Variants in TMEM132B observed in about 807,000 individuals in gnomAD.
The protein encoded by TMEM132B is transmembrane protein 132B.
Under a neutral mutation model 90.8 loss-of-function variants are expected in TMEM132B, and 18 were observed. The ratio of observed to expected loss-of-function variants is 0.20; its 90% CI spans 0.14 to 0.29. The LOEUF (loss-of-function observed/expected upper bound fraction) is 0.29. TMEM132B is among the 10% of genes least tolerant of loss of function. The probability of loss-of-function intolerance (pLI) is 1.00; values close to 1 mark genes in which losing one functional copy is unlikely to be tolerated. For synonymous variants in TMEM132B, 504 were observed against 523.3 expected, an observed-to-expected ratio of 0.96 and a Z score of 0.50; for missense variants, 1,096 against 1,326.8, an observed-to-expected ratio of 0.83 and a Z score of 2.70.
intron 3 of TMEM132B, among the ~76,000 whole-genome samples, chr12:125,434,551 C>T (rs1251777879): frequency 5.9e-5 from 9 of 152,246 alleles, no homozygotes; most frequent in East Asian, 1.9e-4. Context: ...CCTCCCTCCC[C>T]ATCCCAGCCT....
At chr12:125,249,159 A>G (rs1000610336) in intron 1 of TMEM132B, among the ~76,000 whole-genome samples, 2 of 152,174 alleles carry the variant, frequency 1.3e-5, no homozygotes, top group Non-Finnish European at 2.9e-5. Flanking sequence ...TCTTTCAGAC[A>G]AGTGACAGCT....
At chr12:125,296,787 G>C (rs1282668317) in intron 1 of TMEM132B, among the ~76,000 whole-genome samples, 2 of 152,300 alleles carry the variant, frequency 1.3e-5, no homozygotes, top group East Asian at 3.9e-4. Context: ...AAGAATCACC[G>C]AACTGGGACC....
intron 2 of TMEM132B, among the ~76,000 whole-genome samples, chr12:125,404,404 GAGA>G (rs1202743814): frequency 1.3e-5 from 2 of 152,156 alleles, no homozygotes; most frequent in East Asian, 1.9e-4. Flanking sequence ...ATCATATCTG[GAGA>G]AGAAGTGTTT....
At chr12:125,310,232 G>A (rs145112430) in intron 1 of TMEM132B, among the ~76,000 whole-genome samples, 106 of 152,296 alleles carry the variant, frequency 7.0e-4, no homozygotes, top group African/African-American at 2.4e-3. Flanking sequence ...CCCTCTGGAA[G>A]ACACCATCCA....
chr12:125,515,542 C>G (rs554029701), intron 3 of TMEM132B, among the ~76,000 whole-genome samples: 174 of 151,698 alleles, frequency 1.1e-3, no homozygotes, highest in African/African-American at 4.2e-3. Context: ...CTCACGCTCA[C>G]ACACATTCAT....
rs1879994019 is a variant in TMEM132B, at chr12:125,415,758, G to GT, written c.1106+82dup. 9 of 1,540,904 alleles carry GT rather than the reference G, an allele frequency of 5.8e-6. No homozygotes were observed. Among genetic ancestry groups the GT allele is most frequent in the Middle Eastern group, 2.1e-4 (1 of 4,708 alleles). ...CAGAGCTGATAGCAAAATAATGTGC[G>GT]TGTGGATAAAGCGATGCCTCTGCGT... On this transcript the variant is annotated intron_variant, in intron 3 of 8. Transcript: ENST00000682704. The surrounding 1 kb of genome is among the most constrained non-coding windows in gnomAD (Gnocchi z 5.3).
intron 4 of TMEM132B, among the ~76,000 whole-genome samples, chr12:125,559,210 T>C (rs890576741): frequency 2.0e-5 from 3 of 151,860 alleles, no homozygotes; most frequent in African/African-American, 7.3e-5. Flanking sequence ...TACAAAAAAT[T>C]AAAAAATTAG....
intron 5 of TMEM132B, among the ~76,000 whole-genome samples, chr12:125,593,129 G>T (rs1885358209): frequency 6.6e-6 from 1 of 152,200 alleles, no homozygotes; most frequent in Admixed American, 6.5e-5. Context: ...GCGCAGCTAA[G>T]AATAAGTTGT....
chr12:125,353,303 C>T (rs1028013783), intron 2 of TMEM132B, among the ~76,000 whole-genome samples: 42 of 152,306 alleles, frequency 2.8e-4, no homozygotes, highest in African/African-American at 7.9e-4. Flanking sequence ...GGACATTGAA[C>T]CCACCCCTTC....
chr12:125,280,761 C>CG (rs1198568050), intron 1 of TMEM132B, among the ~76,000 whole-genome samples: 1 of 152,220 alleles, frequency 6.6e-6, no homozygotes, highest in Admixed American at 6.5e-5. Context: ...TACAACTCTT[C>CG]GGTCAGCAGC....
chr12:125,595,181 C>T (rs1885411815), intron 5 of TMEM132B, among the ~76,000 whole-genome samples: 1 of 152,132 alleles, frequency 6.6e-6, no homozygotes, highest in Non-Finnish European at 1.5e-5. Context: ...TTTCTTTGCC[C>T]TTAGCTGGCA....
intron 1 of TMEM132B, among the ~76,000 whole-genome samples, chr12:125,328,178 G>C (rs1277406421): frequency 6.6e-6 from 1 of 152,204 alleles, no homozygotes; most frequent in Non-Finnish European, 1.5e-5. Context: ...CAGTCACTCA[G>C]GTGGCTTCCC....
chr12:125,566,838 T>C (rs1170482584), intron 4 of TMEM132B, among the ~76,000 whole-genome samples: 9 of 14,998 alleles, frequency 6.0e-4, no homozygotes, highest in Non-Finnish European at 3.8e-3. Context: ...TCTTCTTCTT[T>C]TTTTTTTTTT....
chr12:125,452,378 A>G (rs1881176753), intron 3 of TMEM132B, among the ~76,000 whole-genome samples: 1 of 152,238 alleles, frequency 6.6e-6, no homozygotes, highest in Non-Finnish European at 1.5e-5. Flanking sequence ...TTACTTAGCC[A>G]TTCTTGCATT....
rs371812598 is a variant in TMEM132B, at chr12:125,336,640, A to G, written c.68-12812A>G. Among the ~76,000 whole-genome samples the G allele has an allele frequency of 3.9e-5, 6 of 152,324 alleles. No homozygotes were observed. The East Asian group carries it at 1.2e-3, about 29-fold the overall frequency. ...CAGAGGCACCACCTGTGACATTCCT[A>G]TACATGCAGTTGCACGATAACAAGT... On this transcript the variant is annotated intron_variant, in intron 1 of 8. Coordinates refer to ENST00000682704, the MANE Select transcript of TMEM132B (RefSeq NM_001366854.1).
At chr12:125,523,065 T>C (rs968571826) in intron 4 of TMEM132B, among the ~76,000 whole-genome samples, 3 of 152,194 alleles carry the variant, frequency 2.0e-5, no homozygotes, top group African/African-American at 7.2e-5. Context: ...ATATAGTATT[T>C]GCTCAGCAAA....
intron 3 of TMEM132B, among the ~76,000 whole-genome samples, chr12:125,493,901 C>CTG (rs1882426219): frequency 1.0e-5 from 1 of 95,698 alleles, no homozygotes. Context: ...CTGGAAATGG[C>CTG]CATGTCCCTC....
chr12:125,535,580 C>T (rs1592980503), intron 4 of TMEM132B, among the ~76,000 whole-genome samples: 1 of 152,168 alleles, frequency 6.6e-6, no homozygotes, highest in Non-Finnish European at 1.5e-5. Context: ...AGGAAAGATT[C>T]TCTGCCACGA....
intron 2 of TMEM132B, among the ~76,000 whole-genome samples, chr12:125,387,381 G>A (rs1415232423): frequency 3.9e-5 from 6 of 152,320 alleles, no homozygotes; most frequent in Non-Finnish European, 7.3e-5. Context: ...GAATAGTTGG[G>A]TCTCTTATCT....
Sources: gnomAD v4.1 joint callset for allele counts (sites outside exome capture counted in the v4.1 genomes callset) on GRCh38, gnomAD v4.1.1 for gene constraint, Gnocchi (gnomAD v3.1) non-coding constraint, MANE v1.5 for transcripts, NCBI Gene and HGNC (gene_info 2026-07-23, HGNC 2026-07-21) for gene names.